The following CTIF variants were observed in gnomAD, a reference collection of about 807,000 sequenced individuals.
CTIF encodes CBP80/20-dependent translation initiation factor.
Under a neutral mutation model 66.0 loss-of-function variants are expected in CTIF, and 21 were observed. The ratio of observed to expected loss-of-function variants is 0.32; its 90% confidence interval spans 0.23 to 0.46. The LOEUF (loss-of-function observed/expected upper bound fraction) is 0.46. Ranked by LOEUF, CTIF falls within the 20% of genes least tolerant of loss-of-function variation. The probability of loss-of-function intolerance (pLI) is 1.00; values close to 1 mark genes in which losing one functional copy is unlikely to be tolerated. For missense variants in CTIF, 739 were observed against 812.7 expected, an observed-to-expected ratio of 0.91 and a Z score of 1.10; for synonymous variants, 345 against 326.4, an observed-to-expected ratio of 1.06 and a Z score of -0.62.
rs1033511735 is a variant in CTIF, at chr18:48,780,832, A to G, written c.1371+19143A>G. 2.6e-5 allele frequency among the ~76,000 whole-genome samples: 4 copies of G among 152,176 alleles called. No homozygotes were observed. The East Asian group carries it at 5.8e-4, about 22-fold the overall frequency. ...TTTATGGATCTCCTTCTGTGTACCT[A>G]GCAGGGCAGAGTGCAGGGGTAGGGC... On this transcript the variant is annotated intron_variant, in intron 9 of 11. Transcript: ENST00000256413.
At chr18:48,709,417 C>A (rs1388950063) in intron 6 of CTIF, among the ~76,000 whole-genome samples, 1 of 152,268 alleles carries the variant, frequency 6.6e-6, no homozygotes, top group Non-Finnish European at 1.5e-5. Context: ...ATGGCTGCTG[C>A]CTGTGTGCAG....
At chr18:48,774,879 G>A (rs1482112673) in intron 9 of CTIF, among the ~76,000 whole-genome samples, 1 of 152,162 alleles carries the variant, frequency 6.6e-6, no homozygotes, top group African/African-American at 2.4e-5. Context: ...GTGCATTCTT[G>A]AGCAGCTGCG....
chr18:48,751,442 A>C (rs1322922169), intron 7 of CTIF, among the ~76,000 whole-genome samples: 1 of 152,138 alleles, frequency 6.6e-6, no homozygotes, highest in African/African-American at 2.4e-5. Flanking sequence ...GTCTCTCCAA[A>C]TGGACCCTCA....
chr18:48,856,008 G>A (rs1381659537), intron 10 of CTIF, among the ~76,000 whole-genome samples: 1 of 152,216 alleles, frequency 6.6e-6, no homozygotes, highest in African/African-American at 2.4e-5. Context: ...CGACATGGCA[G>A]GAGGGGACGG....
intron 7 of CTIF, among the ~76,000 whole-genome samples, chr18:48,730,319 G>GGTGTGAGGGGCTCCTGCT (rs2092430913): frequency 1.6e-5 from 2 of 121,270 alleles, no homozygotes; most frequent in Non-Finnish European, 3.4e-5. Flanking sequence ...GGGCTTCTGC[G>GGTGTGAGGGGCTCCTGCT]GTGTGAGGGG....
At chr18:48,540,520 G>A (rs1599109842) in intron 1 of CTIF, among the ~76,000 whole-genome samples, 2 of 151,828 alleles carry the variant, frequency 1.3e-5, no homozygotes, top group Admixed American at 6.5e-5. Flanking sequence ...ACAATCGGGA[G>A]GGGGGTGGTC....
intron 2 of CTIF, among the ~76,000 whole-genome samples, chr18:48,634,304 G>C (rs1177854661): frequency 6.6e-6 from 1 of 152,120 alleles, no homozygotes; most frequent in Admixed American, 6.5e-5. Flanking sequence ...TGATCACTTG[G>C]CTAAAGTGGC....
At chr18:48,748,121 T>C (rs1029772377) in intron 7 of CTIF, among the ~76,000 whole-genome samples, 93 of 152,026 alleles carry the variant, frequency 6.1e-4, no homozygotes, top group African/African-American at 2.2e-3. Flanking sequence ...TTATTTTAAA[T>C]AGCAGTGAGG....
In CTIF at chr18:48,670,760, G is replaced by A. The variant is rs747715114; in HGVS notation, c.507+16G>A. The A allele has an allele frequency of 6.2e-7, 1 of 1,612,234 alleles. No homozygotes were observed. ...AGCCTGGCAGGTAGGTGCAGGGGCA[G>A]GCTCTCTAACAGCCCACCCCCACCC... On this transcript the variant is annotated intron_variant, in intron 6 of 11. Transcript: ENST00000256413.
chr18:48,697,263 G>A (rs1053239874), intron 6 of CTIF, among the ~76,000 whole-genome samples: 4 of 152,228 alleles, frequency 2.6e-5, no homozygotes, highest in Non-Finnish European at 5.9e-5. Flanking sequence ...CAGAAGTGAA[G>A]GAAGCATGGC....
intron 3 of CTIF, among the ~76,000 whole-genome samples, chr18:48,641,168 G>C (rs1027526929): frequency 6.6e-6 from 1 of 152,240 alleles, no homozygotes; most frequent in African/African-American, 2.4e-5. Flanking sequence ...TGCAGCAGCA[G>C]TACATTCAGA....
intron 10 of CTIF, among the ~76,000 whole-genome samples, chr18:48,833,596 C>T (rs1290855040): frequency 6.6e-6 from 1 of 152,178 alleles, no homozygotes; most frequent in Non-Finnish European, 1.5e-5. Flanking sequence ...ACAGTGTCCC[C>T]CTTCCGGGGA....
At chr18:48,728,600 C>T (rs1324615500) in intron 7 of CTIF, among the ~76,000 whole-genome samples, 1 of 152,110 alleles carries the variant, frequency 6.6e-6, no homozygotes, top group African/African-American at 2.4e-5. Context: ...GAGCCACTTC[C>T]CAGCTCACGG....
At chr18:48,756,431 T>C (rs1269320237) in intron 7 of CTIF, 1 of 152,218 alleles carries the variant, frequency 6.6e-6, no homozygotes, top group Non-Finnish European at 1.5e-5. Flanking sequence ...AATATTAAAA[T>C]TGAATTTATA....
intron 6 of CTIF, among the ~76,000 whole-genome samples, chr18:48,708,505 A>C (rs2092187135): frequency 6.6e-6 from 1 of 152,286 alleles, no homozygotes; most frequent in South Asian, 2.1e-4. Context: ...TGGAAGTTCT[A>C]TGTAAAAGGC....
At chr18:48,593,242 C>T (rs1278521383) in intron 1 of CTIF, among the ~76,000 whole-genome samples, 2 of 152,168 alleles carry the variant, frequency 1.3e-5, no homozygotes, top group African/African-American at 2.4e-5. Flanking sequence ...GGCGTCAACA[C>T]CTCCGCTGGG....
intron 6 of CTIF, among the ~76,000 whole-genome samples, chr18:48,686,303 A>G (rs562212370): frequency 2.6e-5 from 4 of 152,314 alleles, no homozygotes; most frequent in African/African-American, 9.6e-5. Context: ...TGCTCAAATC[A>G]TCCCAGTGGG....
At chr18:48,605,004 T>C (rs1027007034) in intron 1 of CTIF, among the ~76,000 whole-genome samples, 1 of 152,250 alleles carries the variant, frequency 6.6e-6, no homozygotes, top group Non-Finnish European at 1.5e-5. Context: ...GCATAGTTCA[T>C]ATTTTGTTAT....
intron 7 of CTIF, among the ~76,000 whole-genome samples, chr18:48,734,093 C>T (rs541720503): frequency 3.3e-5 from 5 of 152,358 alleles, no homozygotes; most frequent in South Asian, 4.1e-4. Context: ...CCCTGTGAGC[C>T]GTGGCTCAAA....
Sources: allele counts gnomAD v4.1 joint callset (sites outside exome capture counted in the v4.1 genomes callset), GRCh38; gene constraint gnomAD v4.1.1; transcripts MANE v1.5; gene names NCBI Gene and HGNC (gene_info 2026-07-23, HGNC 2026-07-21).